The following ZNF814 variants were observed in gnomAD, a reference collection of about 807,000 sequenced individuals.
ZNF814 encodes the protein zinc finger protein 814.
Under a neutral mutation model 7.5 loss-of-function variants are expected in ZNF814, and 5 were observed. The ratio of observed to expected loss-of-function variants is 0.67; its 90% CI spans 0.35 to 1.40. ZNF814 has a LOEUF of 1.40. Ranked by LOEUF, ZNF814 falls within the 40% of genes most tolerant of loss-of-function variation. The pLI is 0.04. For synonymous variants in ZNF814, 315 were observed against 340.7 expected (o/e 0.92, Z 0.83); for missense variants, 962 against 1,018.0 (o/e 0.94, Z 0.75).
At chr19:57,889,096 C>G (rs971488091), upstream of ZNF814, 5 of 481,980 alleles carry the variant, frequency 1.0e-5, no homozygotes, top group African/African-American at 9.7e-5. Flanking sequence ...ACAGGAAACG[C>G]CTTTATTCTG....
intron 1 of ZNF814, among the ~76,000 whole-genome samples, chr19:57,877,390 C>T (rs1190763781): frequency 6.6e-6 from 1 of 152,144 alleles, no homozygotes; most frequent in Non-Finnish European, 1.5e-5. Flanking sequence ...CCCCAGGTGA[C>T]TGCCACACAC....
At position 57,872,892 on chromosome 19, in the gene ZNF814, C is replaced by T. The variant is rs754005729; in HGVS notation, c.2498G>A (p.Cys833Tyr). 1.9e-6 allele frequency: 3 copies of T among 1,613,202 alleles called. No individual in the cohort carries two copies. Among genetic ancestry groups the T allele is most frequent in the Non-Finnish European group, 2.5e-6 (3 of 1,179,636 alleles). The stretch of plus-strand genomic sequence containing the variant: ...AGACTTCTTGTTAAATAATTTCCCA[C>T]ATTTCTCACATTTATAAGGCTTTTC... Reference protein sequence around the residue: ...TGEKPYKCEKCGKLFNKKSHL... With the variant: ...TGEKPYKCEKYGKLFNKKSHL... Residue 833 changes from cysteine to tyrosine, a missense_variant, in exon 3 of 3, where the codon TGT (cysteine) becomes TAT (tyrosine). Physicochemically the swap from Cys to Tyr is radical, Grantham distance 194. Coordinates refer to ENST00000435989, the MANE Select transcript of ZNF814 (RefSeq NM_001144989.2).
upstream of ZNF814, among the ~76,000 whole-genome samples, chr19:57,892,479 T>G (rs1331754800): frequency 2.0e-5 from 3 of 152,136 alleles, no homozygotes; most frequent in Non-Finnish European, 4.4e-5. Flanking sequence ...TTCCTAAGAG[T>G]TAGGGGGTTA....
chr19:57,896,887 C>T, the ZNF814 span, among the ~76,000 whole-genome samples: 11 of 152,178 alleles, frequency 7.2e-5, no homozygotes, highest in Non-Finnish European at 1.5e-4. The surrounding 1 kb of genome is among the most constrained non-coding windows in gnomAD (Gnocchi z 4.2). Flanking sequence ...GGAAAAAACA[C>T]AAGCACAGCC....
rs376887282 is a variant in ZNF814 at position 57,873,262 on chromosome 19, G to A, written c.2128C>T (p.His710Tyr). Residue 710 changes from histidine (H) to tyrosine (Y), a missense_variant, in exon 3 of 3, where the codon CAC becomes TAC. This residue lies in a region of ZNF814 where 665 missense variants were observed against 551.4 expected (regional missense o/e 1.21). Transcript: ENST00000435989. ...CAAGCATATGGCTTTTCTCCATTGT[G>A]AATTCTCTGGTGTACAAGGAGGTGA... ...KSHLLVHQRI[H>Y]NGEKPYACEA... The A allele has an allele frequency of 6.2e-7, 1 of 1,601,430 alleles. No homozygotes were observed. Among genetic ancestry groups the A allele is most frequent in the Non-Finnish European group, 8.5e-7 (1 of 1,173,564 alleles).
chr19:57,896,561 T>C, the ZNF814 span, among the ~76,000 whole-genome samples: 2 of 152,266 alleles, frequency 1.3e-5, no homozygotes, highest in South Asian at 4.1e-4. This position sits in a 1 kb window ranked among gnomAD's most constrained non-coding sequence, Gnocchi z 4.2. Context: ...GGTGGTGCTA[T>C]ACAAAATTCT....
upstream of ZNF814, among the ~76,000 whole-genome samples, chr19:57,889,473 G>A (rs1442863260): frequency 6.6e-6 from 1 of 152,190 alleles, no homozygotes; most frequent in Non-Finnish European, 1.5e-5. Flanking sequence ...CCTGAGGAGG[G>A]AGAATCGCTT....
At chr19:57,897,749 G>T in the ZNF814 span, among the ~76,000 whole-genome samples, 1 of 152,180 alleles carries the variant, frequency 6.6e-6, no homozygotes, top group African/African-American at 2.4e-5. Flanking sequence ...CTCAGAAAAA[G>T]TTGGTCTATT....
upstream of ZNF814, among the ~76,000 whole-genome samples, chr19:57,890,914 G>C (rs774527998): frequency 6.6e-6 from 1 of 152,182 alleles, no homozygotes; most frequent in Non-Finnish European, 1.5e-5. Flanking sequence ...GAGCAACTCC[G>C]TCTTGAATAG....
chr19:57,871,531 G>A lies in ZNF814; in HGVS notation c.*1291C>T, dbSNP rs896717805. ...ACAACCCTCAAGATTGAAGAAGGCT[G>A]AAACAATAAGGCCTTCATAATAGCA... On this transcript the variant is annotated 3_prime_UTR_variant, in exon 3 of 3. Coordinates refer to ENST00000435989, the MANE Select transcript of ZNF814 (RefSeq NM_001144989.2). 1 of 152,172 alleles carries A rather than the reference G, an allele frequency of 6.6e-6. No individual in the cohort carries two copies. Among genetic ancestry groups the A allele is most frequent in the South Asian group, 2.1e-4 (1 of 4,830 alleles). The allele number at this position is 152,172 out of a possible 1,614,324, so 9.4% of individuals were successfully genotyped here.
chr19:57,878,874 C>T (rs1272566933), intron 1 of ZNF814, among the ~76,000 whole-genome samples: 1 of 152,104 alleles, frequency 6.6e-6, no homozygotes, highest in East Asian at 1.9e-4. Context: ...CAAGAGCAGC[C>T]TGGACAACAC....
At chr19:57,892,688 G>C (rs1411590801), upstream of ZNF814, among the ~76,000 whole-genome samples, 6 of 152,210 alleles carry the variant, frequency 3.9e-5, no homozygotes, top group Non-Finnish European at 8.8e-5. Context: ...TGCTGGAAAA[G>C]ATCCCCTTGC....
At chr19:57,877,246 A>C (rs984474058) in intron 1 of ZNF814, among the ~76,000 whole-genome samples, 1 of 151,814 alleles carries the variant, frequency 6.6e-6, no homozygotes, top group African/African-American at 2.4e-5. Flanking sequence ...GTAAGAGTCC[A>C]CCCCCTCCTG....
chr19:57,869,624 T>A lies in ZNF814; in HGVS notation c.*3198A>T, dbSNP rs2071538924. ...GCTTAAATATGCATAGCTTACTGAA[T>A]GTCATTTATAACTCATCACAGCTTT... On this transcript the variant is annotated 3_prime_UTR_variant, in exon 3 of 3. Coordinates refer to ENST00000435989, the MANE Select transcript of ZNF814 (RefSeq NM_001144989.2). 1.3e-5 allele frequency: 2 copies of A among 152,176 alleles called. No homozygotes were observed. The highest frequency in any genetic ancestry group is 4.1e-4 in the South Asian group (2 of 4,832). 9.4% of individuals were successfully genotyped at this position (152,176 alleles called of 1,614,324 possible). A position where few individuals can be genotyped will look rare whatever the true frequency, so the allele number is the denominator to read the frequency against.
rs368421358 is a variant in ZNF814 at position 57,888,417 on chromosome 19, T to C, written c.36+350A>G. 1.6e-4 allele frequency among the ~76,000 whole-genome samples: 24 copies of C among 152,268 alleles called. 1 individual carries two copies. The East Asian group carries it at 4.2e-3, about 27-fold the overall frequency. On this transcript the variant is annotated intron_variant, in intron 1 of 2. Coordinates refer to ENST00000435989, the MANE Select transcript of ZNF814 (RefSeq NM_001144989.2). ...TACAATGCTCATGACATCCCTCCTT[T>C]CTTCGAAAATCTCCATGCCTTCTAG...
Position 57,872,844 on chromosome 19 carries a change from G to T in ZNF814, c.2546C>A (p.Ser849Ter). Residue 849 changes from serine to a stop codon, truncating the protein, a stop_gained, in exon 3 of 3, where the codon TCA becomes TAA. Transcript: ENST00000435989. LOFTEE classifies it high-confidence loss of function. Reference protein sequence around the residue: ...KKSHLLVHQSSHWRKAI With the variant: ...KKSHLLVHQS The stretch of plus-strand genomic sequence containing the variant: ...CACTCATATGGCTTTTCTCCAGTGT[G>T]AACTCTGGTGTACAAGGAGGTGAGA... 1 of 1,612,730 alleles carries T rather than the reference G, an allele frequency of 6.2e-7. No individual in the cohort carries two copies. Among genetic ancestry groups the T allele is most frequent in the Non-Finnish European group, 8.5e-7 (1 of 1,179,412 alleles).
Position 57,872,714 on chromosome 19 carries a change from G to C in ZNF814, c.*108C>G. On this transcript the variant is annotated 3_prime_UTR_variant, in exon 3 of 3. Transcript: ENST00000435989. ...AACACAGAATGCAGAGCTGTGGGTA[G>C]ATGACTTCCCACAATCACTGCATTC... is the stretch of plus-strand genomic sequence containing the variant. 2 of 1,605,478 alleles carry C rather than the reference G, an allele frequency of 1.2e-6. No homozygotes were observed. The highest frequency in any genetic ancestry group is 1.7e-6 in the Non-Finnish European group (2 of 1,174,808).
At chr19:57,875,943 CTTTTTTTTTTTTTTT>C (rs567660556) in intron 2 of ZNF814, among the ~76,000 whole-genome samples, 35 of 71,436 alleles carry the variant, frequency 4.9e-4, no homozygotes, top group African/African-American at 7.1e-4. Context: ...CAGGGTGCCG[CTTTTTTTTTTTTTTT>C]TTTTTTTTTT....
At chr19:57,889,801 T>C (rs1179390161), upstream of ZNF814, among the ~76,000 whole-genome samples, 14 of 152,138 alleles carry the variant, frequency 9.2e-5, no homozygotes, top group Admixed American at 2.6e-4. Context: ...GAGTCAGAGG[T>C]TGCGGTGAGT....
Sources: allele counts gnomAD v4.1 joint callset (sites outside exome capture counted in the v4.1 genomes callset), GRCh38; gene constraint gnomAD v4.1.1; regional missense constraint gnomAD v4.1.1; non-coding constraint Gnocchi (gnomAD v3.1); transcripts MANE v1.5; gene names NCBI Gene and HGNC (gene_info 2026-07-23, HGNC 2026-07-21).